The following SLA variants were observed in gnomAD, a reference collection of about 807,000 sequenced individuals.
SLA encodes src-like-adapter.
A neutral mutation model predicts 30.3 loss-of-function variants in SLA; 16 were observed. The ratio of observed to expected loss-of-function variants is 0.53; its 90% CI spans 0.36 to 0.80. SLA has a LOEUF of 0.80. Among genes scored for constraint, SLA ranks in the 30% least tolerant of loss-of-function variants. The probability of loss-of-function intolerance (pLI) is 0.01; values close to 1 mark genes in which losing one functional copy is unlikely to be tolerated. For missense variants in SLA, 310 were observed against 345.2 expected (o/e 0.90, Z 0.81); for synonymous variants, 143 against 137.8 (o/e 1.04, Z -0.26).
At chr8:133,058,766 A>G (rs1463518921) in intron 3 of SLA, among the ~76,000 whole-genome samples, 1 of 152,218 alleles carries the variant, frequency 6.6e-6, no homozygotes, top group Non-Finnish European at 1.5e-5. Flanking sequence ...CTGTCCTGAG[A>G]GCACATGCTC....
intron 7 of SLA, among the ~76,000 whole-genome samples, chr8:133,041,185 G>A (rs546031268): frequency 2.0e-5 from 3 of 152,318 alleles, no homozygotes; most frequent in African/African-American, 4.8e-5. Context: ...ACTGGCCTCC[G>A]GCAGGGCTAA....
At chr8:133,043,330 T>C (rs1165889467) in intron 7 of SLA, among the ~76,000 whole-genome samples, 3 of 152,178 alleles carry the variant, frequency 2.0e-5, no homozygotes, top group Non-Finnish European at 4.4e-5. Flanking sequence ...GCAAAACTTA[T>C]GGTCTCCACA....
intron 2 of SLA, among the ~76,000 whole-genome samples, chr8:133,065,946 G>T (rs1038204904): frequency 2.6e-5 from 4 of 152,148 alleles, no homozygotes; most frequent in Non-Finnish European, 4.4e-5. Context: ...GGGATGAGGG[G>T]TGCAGAAGTG....
intron 1 of SLA, chr8:133,094,820 G>A: frequency 1.6e-6 from 1 of 633,078 alleles, no homozygotes; most frequent in South Asian, 1.8e-5. Flanking sequence ...TCACTTCACA[G>A]GTTAGGAAAC....
chr8:133,058,800 C>T (rs1430968744), intron 3 of SLA, among the ~76,000 whole-genome samples: 1 of 152,230 alleles, frequency 6.6e-6, no homozygotes, highest in African/African-American at 2.4e-5. Flanking sequence ...CATCTGGTTC[C>T]ACCTCCTTGG....
intron 1 of SLA, among the ~76,000 whole-genome samples, chr8:133,084,805 A>G (rs1846278919): frequency 6.6e-6 from 1 of 152,196 alleles, no homozygotes; most frequent in South Asian, 2.1e-4. Flanking sequence ...GGCAAGGGGG[A>G]CAGTTCTACA....
chr8:133,080,587 A>C (rs4336595), intron 1 of SLA, among the ~76,000 whole-genome samples: 39,005 of 152,004 alleles, frequency 0.26, 5,307 homozygotes, highest in African/African-American at 0.31. Flanking sequence ...CAAACTCAGG[A>C]CCATCTTCAT....
At chr8:133,087,423 C>T (rs1846769264) in intron 1 of SLA, among the ~76,000 whole-genome samples, 1 of 152,138 alleles carries the variant, frequency 6.6e-6, no homozygotes, top group Non-Finnish European at 1.5e-5. Context: ...CCAGAACCAC[C>T]TCCTTCCTCC....
At chr8:133,049,704 A>G in intron 5 of SLA, 198 bp downstream of exon 5, 8 of 573,332 alleles carry the variant, frequency 1.4e-5, no homozygotes, top group Non-Finnish European at 2.5e-5. Flanking sequence ...ACTGAGGGAG[A>G]AGTTGAGTCC....
At chr8:133,070,232 C>T (rs968048825) in intron 2 of SLA, among the ~76,000 whole-genome samples, 2 of 151,944 alleles carry the variant, frequency 1.3e-5, no homozygotes, top group South Asian at 2.1e-4. Context: ...TCTCTGAGGA[C>T]GGAGTAGGAA....
At chr8:133,051,554 G>T (rs1289543460) in intron 3 of SLA, among the ~76,000 whole-genome samples, 1 of 152,106 alleles carries the variant, frequency 6.6e-6, no homozygotes, top group African/African-American at 2.4e-5. Context: ...AGGGACATTT[G>T]TTGAGGGTGG....
rs1378655946 is a variant in SLA, at chr8:133,037,039, T to A, written c.*1485A>T. The A allele has an allele frequency of 6.6e-6, 1 of 152,162 alleles. No individual in the cohort carries two copies. The allele number at this position is 152,162 out of a possible 1,614,324, so 9.4% of individuals were successfully genotyped here. A position where few individuals can be genotyped will look rare whatever the true frequency, so the allele number is the denominator to read the frequency against. ...GTCTCCTTGTATAAACACACTAGAA[T>A]CTATGATACAGAAAACTGTGTAACT... On this transcript the variant is annotated 3_prime_UTR_variant, in exon 9 of 9. Transcript: ENST00000338087.
chr8:133,050,689 T>G, intron 4 of SLA, 127 bp downstream of exon 4: 1 of 661,626 alleles, frequency 1.5e-6, no homozygotes, highest in East Asian at 2.7e-5. Context: ...GGGTCAAATT[T>G]CTCACCTCAT....
chr8:133,067,621 C>CA (rs1843211594), intron 2 of SLA, among the ~76,000 whole-genome samples: 1 of 151,896 alleles, frequency 6.6e-6, no homozygotes, highest in Non-Finnish European at 1.5e-5. Flanking sequence ...ACTAAAAATG[C>CA]AAAAATTAGC....
intron 1 of SLA, chr8:133,094,847 A>G: frequency 1.4e-6 from 1 of 703,552 alleles, no homozygotes; most frequent in East Asian, 2.7e-5. Flanking sequence ...CTAGAGAGAC[A>G]TCTTCAGTAT....
intron 1 of SLA, among the ~76,000 whole-genome samples, chr8:133,078,449 C>T (rs1401273563): frequency 6.6e-6 from 1 of 152,220 alleles, no homozygotes; most frequent in Non-Finnish European, 1.5e-5. Flanking sequence ...CTAACCATTC[C>T]TCTCTCAACC....
intron 8 of SLA, 32 bp downstream of exon 8, chr8:133,039,966 C>T (rs2131071500): frequency 6.5e-7 from 1 of 1,530,058 alleles, no homozygotes; most frequent in Non-Finnish European, 8.8e-7. Context: ...CACACACACA[C>T]ACACACACAC....
At chr8:133,056,882 T>G (rs1587919727) in intron 3 of SLA, among the ~76,000 whole-genome samples, 1 of 151,920 alleles carries the variant, frequency 6.6e-6, no homozygotes, top group South Asian at 2.1e-4. Context: ...GGTTACAGAG[T>G]CCCCAGGAAC....
chr8:133,066,017 G>T (rs1224743986), intron 2 of SLA, among the ~76,000 whole-genome samples: 1 of 152,068 alleles, frequency 6.6e-6, no homozygotes, highest in Non-Finnish European at 1.5e-5. Flanking sequence ...GGTCAAAAGG[G>T]CAGGAGTGAA....
Sources: allele counts gnomAD v4.1 joint callset (sites outside exome capture counted in the v4.1 genomes callset), GRCh38; gene constraint gnomAD v4.1.1; transcripts MANE v1.5; gene names NCBI Gene and HGNC (gene_info 2026-07-23, HGNC 2026-07-21).